The following RHOF variants were observed in gnomAD, a reference collection of about 807,000 sequenced individuals.
The protein encoded by RHOF is ras homolog family member F, filopodia associated.
In RHOF, 21 loss-of-function variants were observed where a neutral mutation model predicts 22.2. The observed-to-expected ratio is 0.95, with a 90% confidence interval of 0.67 to 1.36. RHOF has a LOEUF of 1.36. RHOF is among the 40% of genes most tolerant of loss of function. RHOF has a pLI of 0.00. For synonymous variants in RHOF, 135 were observed against 131.2 expected, an observed-to-expected ratio of 1.03 and a Z score of -0.20; for missense variants, 285 against 293.7, an observed-to-expected ratio of 0.97 and a Z score of 0.22.
At chr12:121,788,822 G>C (rs1874684633) in intron 2 of RHOF, among the ~76,000 whole-genome samples, 1 of 152,146 alleles carries the variant, frequency 6.6e-6, no homozygotes, top group Admixed American at 6.5e-5. Context: ...GGCAGTGCCG[G>C]GAGGCAGGAG....
rs558124915 is a variant in RHOF at position 121,790,934 on chromosome 12, C to T, written c.226+2218G>A. 3.3e-5 allele frequency among the ~76,000 whole-genome samples: 5 copies of T among 152,226 alleles called. No individual in the cohort carries two copies. In the East Asian group the frequency reaches 5.8e-4, roughly 18 times the overall value. On this transcript the variant is annotated intron_variant, in intron 2 of 4. Coordinates refer to ENST00000267205, the MANE Select transcript of RHOF (RefSeq NM_019034.3). ...TGTTGCCCAGGCTGGAGTGCAGTAG[C>T]GTGATCTTGACTCACTGCAATTTCC...
At chr12:121,787,918 GGGC>G (rs1874654169) in intron 2 of RHOF, among the ~76,000 whole-genome samples, 2 of 129,620 alleles carry the variant, frequency 1.5e-5, no homozygotes, top group African/African-American at 2.8e-5. Flanking sequence ...AAGGGGGGGG[GGGC>G]GGGGTTTGCT....
chr12:121,792,090 A>G (rs904369082), intron 2 of RHOF, among the ~76,000 whole-genome samples: 2 of 144,980 alleles, frequency 1.4e-5, no homozygotes, highest in Non-Finnish European at 3.0e-5. Context: ...GACCTGCTGA[A>G]GTCGGAATGG....
At chr12:121,792,933 C>T (rs1374605819) in intron 2 of RHOF, among the ~76,000 whole-genome samples, 1 of 152,230 alleles carries the variant, frequency 6.6e-6, no homozygotes, top group Non-Finnish European at 1.5e-5. Context: ...GGGAGGGTGG[C>T]CCCAGAGTTC....
intron 4 of RHOF, 32 bp downstream of exon 4, chr12:121,780,840 G>A (rs531030710): frequency 2.2e-5 from 35 of 1,600,230 alleles, no homozygotes; most frequent in South Asian, 6.7e-5. Context: ...TCACAGCCAC[G>A]GCTGTGCCCC....
Position 121,779,487 on chromosome 12 carries a change from TCTGC to T in RHOF, c.*7_*10del. On this transcript the variant is annotated 3_prime_UTR_variant, in exon 5 of 5. Coordinates refer to ENST00000267205, the MANE Select transcript of RHOF (RefSeq NM_019034.3). The stretch of plus-strand genomic sequence containing the variant: ...CCTGTCAGTGCTGTCGTGAGGTCTG[TCTGC>T]CCTGGGTCAGAGCAGCAGGCAGAGC... 6.2e-7 allele frequency: 1 copy of T among 1,610,302 alleles called. No homozygotes were observed. The highest frequency in any genetic ancestry group is 8.5e-7 in the Non-Finnish European group (1 of 1,179,874).
chr12:121,785,404 C>A, intron 2 of RHOF, among the ~76,000 whole-genome samples: 1 of 148,788 alleles, frequency 6.7e-6, no homozygotes, highest in South Asian at 2.1e-4. Flanking sequence ...CGTCTTCTCT[C>A]ATTTCTTTTT....
At chr12:121,784,521 G>C (rs1874556582) in intron 2 of RHOF, among the ~76,000 whole-genome samples, 1 of 151,022 alleles carries the variant, frequency 6.6e-6, no homozygotes, top group Non-Finnish European at 1.5e-5. Flanking sequence ...CTCTAGCCTG[G>C]GTGACAGAGC....
intron 2 of RHOF, among the ~76,000 whole-genome samples, chr12:121,787,106 C>T (rs917019333): frequency 6.6e-6 from 1 of 152,104 alleles, no homozygotes; most frequent in African/African-American, 2.4e-5. Flanking sequence ...GCCTCTCCTG[C>T]GGGCAGGAAC....
At chr12:121,789,566 A>T (rs984781499) in intron 2 of RHOF, among the ~76,000 whole-genome samples, 12 of 152,146 alleles carry the variant, frequency 7.9e-5, no homozygotes, top group African/African-American at 2.7e-4. Context: ...AGGGAGGGGT[A>T]CTGGCAGCAT....
intron 1 of RHOF, 35 bp from the exon 2 acceptor site, chr12:121,793,274 G>A: frequency 6.5e-7 from 1 of 1,527,598 alleles, no homozygotes; most frequent in South Asian, 1.2e-5. Flanking sequence ...TCCTTAGTGG[G>A]GCCGGCGGGG....
In RHOF at chr12:121,779,411, G is replaced by T; in HGVS notation, c.*87C>A. The T allele has an allele frequency of 7.1e-7, 1 of 1,411,054 alleles. No homozygotes were observed. Among genetic ancestry groups the T allele is most frequent in the South Asian group, 1.2e-5 (1 of 81,718 alleles). 87.4% of individuals were successfully genotyped at this position (1,411,054 alleles called of 1,614,324 possible). On this transcript the variant is annotated 3_prime_UTR_variant, in exon 5 of 5. Transcript: ENST00000267205. ...AGGCCCCAGACACCATGAGCTGGAG[G>T]GTCGGGATGGGGCAGCCTCCCTGGT...
At chr12:121,780,718 C>T (rs997607714) in intron 4 of RHOF, 154 bp downstream of exon 4, 3 of 863,686 alleles carry the variant, frequency 3.5e-6, no homozygotes, top group Non-Finnish European at 5.2e-6. Context: ...TGCTCAGGTC[C>T]ACAGGCCATC....
intron 2 of RHOF, chr12:121,781,588 A>C: frequency 4.5e-6 from 1 of 221,012 alleles, no homozygotes; most frequent in Non-Finnish European, 9.2e-6. Context: ...GGGCTGGAGA[A>C]ACTGCTAGAG....
intron 2 of RHOF, among the ~76,000 whole-genome samples, chr12:121,791,981 C>A (rs919245596): frequency 3.9e-5 from 6 of 152,276 alleles, no homozygotes; most frequent in African/African-American, 1.2e-4. Flanking sequence ...GATGCCTCAG[C>A]TCTCCCAGCT....
At chr12:121,788,571 T>C (rs773384229) in intron 2 of RHOF, among the ~76,000 whole-genome samples, 6 of 152,102 alleles carry the variant, frequency 3.9e-5, no homozygotes, top group Admixed American at 6.5e-5. Flanking sequence ...AAATACCTTC[T>C]CTCATATGAG....
At position 121,793,038 on chromosome 12, in the gene RHOF, C is replaced by G. The variant is rs1026413229; in HGVS notation, c.226+114G>C. On this transcript the variant is annotated intron_variant, in intron 2 of 4. Coordinates refer to ENST00000267205, the MANE Select transcript of RHOF (RefSeq NM_019034.3). ...TGAGCGGCCTCCAGGAGTGAAGAGCCGGCCAAGGCCCTGCCAAGGCTGCAG... is the reference window on the plus strand; with the variant it reads ...TGAGCGGCCTCCAGGAGTGAAGAGCGGGCCAAGGCCCTGCCAAGGCTGCAG... The G allele has an allele frequency of 6.6e-6, 6 of 902,584 alleles. No individual in the cohort carries two copies. The African/African-American group carries it at 8.3e-5, about 13-fold the overall frequency. The allele number at this position is 902,584 out of a possible 1,614,324, so 55.9% of individuals were successfully genotyped here. A position where few individuals can be genotyped will look rare whatever the true frequency, so the allele number is the denominator to read the frequency against.
intron 2 of RHOF, 24 bp downstream of exon 2, chr12:121,793,128 C>A: frequency 6.5e-7 from 1 of 1,545,920 alleles, no homozygotes; most frequent in Non-Finnish European, 8.7e-7. Context: ...ACCCTCGGGC[C>A]CCCCGGCGCG....
chr12:121,791,825 G>A (rs1428337650), intron 2 of RHOF, among the ~76,000 whole-genome samples: 1 of 152,248 alleles, frequency 6.6e-6, no homozygotes, highest in Non-Finnish European at 1.5e-5. Context: ...GTGGGTTGCT[G>A]TGAATGTCTC....
Sources: gnomAD v4.1 joint callset for allele counts (sites outside exome capture counted in the v4.1 genomes callset) on GRCh38, gnomAD v4.1.1 for gene constraint, MANE v1.5 for transcripts, NCBI Gene and HGNC (gene_info 2026-07-23, HGNC 2026-07-21) for gene names.